IL1RAPL2: variants seen among roughly 807,000 people sequenced by gnomAD.
IL1RAPL2 encodes the protein interleukin 1 receptor accessory protein like 2, also known as X-linked interleukin-1 receptor accessory protein-like 2.
IL1RAPL2 carries 3 observed loss-of-function variants against 44.1 expected under a neutral mutation model. The observed-to-expected ratio is 0.07, with a 90% CI of 0.03 to 0.18. The LOEUF (loss-of-function observed/expected upper bound fraction) is 0.18. IL1RAPL2 is among the 10% of genes least tolerant of loss of function. The pLI, the probability that IL1RAPL2 is intolerant of heterozygous loss-of-function variation, is 1.00. For missense variants in IL1RAPL2, 391 were observed against 496.4 expected (o/e 0.79, Z 2.02); for synonymous variants, 181 against 178.8 (o/e 1.01, Z -0.10).
At chrX:104,678,059 C>T (rs1265943214) in intron 2 of IL1RAPL2, among the ~76,000 whole-genome samples, 2 of 112,574 alleles carry the variant, frequency 1.8e-5, no homozygotes, top group Non-Finnish European at 3.8e-5. Flanking sequence ...CCATCTTCTG[C>T]GTTGCTCACG....
chrX:105,119,047 C>T (rs748837054), intron 2 of IL1RAPL2, among the ~76,000 whole-genome samples: 82 of 111,640 alleles, frequency 7.3e-4, no homozygotes, highest in Non-Finnish European at 1.2e-3. Context: ...TTACATTTCA[C>T]AGGACACACT....
chrX:105,272,206 G>A (rs1048938227), intron 5 of IL1RAPL2, among the ~76,000 whole-genome samples: 3 of 107,206 alleles, frequency 2.8e-5, no homozygotes, highest in East Asian at 3.0e-4. Flanking sequence ...TGGGTGCAGC[G>A]CACCAGCATG....
At chrX:104,746,296 A>G (rs1380544121) in intron 2 of IL1RAPL2, among the ~76,000 whole-genome samples, 1 of 111,264 alleles carries the variant, frequency 9.0e-6, no homozygotes, top group Non-Finnish European at 1.9e-5. Flanking sequence ...TGTATCACAG[A>G]ATACATATTA....
At chrX:105,573,247 C>T (rs1041237494) in intron 6 of IL1RAPL2, among the ~76,000 whole-genome samples, 1 of 110,593 alleles carries the variant, frequency 9.0e-6, no homozygotes, top group African/African-American at 3.3e-5. Flanking sequence ...TTTGAAGAAG[C>T]AGGGTCTTGC....
intron 6 of IL1RAPL2, among the ~76,000 whole-genome samples, chrX:105,522,534 C>T (rs376217176): frequency 2.7e-5 from 3 of 112,031 alleles, no homozygotes; most frequent in East Asian, 5.7e-4. Flanking sequence ...ACTTTCTCTG[C>T]CTACATAGGG....
chrX:104,841,702 T>C (rs929771882), intron 2 of IL1RAPL2, among the ~76,000 whole-genome samples: 3 of 111,638 alleles, frequency 2.7e-5, no homozygotes, highest in Admixed American at 9.6e-5. Context: ...TATTTAAGTA[T>C]GTTGAATATT....
intron 10 of IL1RAPL2, among the ~76,000 whole-genome samples, chrX:105,757,080 T>TAAAC (rs1440512960): frequency 8.9e-6 from 1 of 111,959 alleles, no homozygotes; most frequent in Non-Finnish European, 1.9e-5. Context: ...AACCCTTAGC[T>TAAAC]AAACACTTAT....
chrX:104,974,170 C>T (rs1021661879), intron 2 of IL1RAPL2, among the ~76,000 whole-genome samples: 1 of 111,659 alleles, frequency 9.0e-6, no homozygotes, highest in Non-Finnish European at 1.9e-5. Flanking sequence ...ATTTAAGCAT[C>T]TATTCCATTC....
chrX:105,295,197 G>T (rs182100550), intron 5 of IL1RAPL2, among the ~76,000 whole-genome samples: 1 of 111,386 alleles, frequency 9.0e-6, no homozygotes, highest in East Asian at 2.8e-4. Flanking sequence ...TTTGGACTAG[G>T]CAGTACGGAA....
intron 6 of IL1RAPL2, among the ~76,000 whole-genome samples, chrX:105,552,988 A>C (rs1014699136): frequency 8.9e-6 from 1 of 112,060 alleles, no homozygotes; most frequent in Non-Finnish European, 1.9e-5. Context: ...ATATATGCCA[A>C]ATTGTTTTCT....
At chrX:105,229,856 G>A (rs1556193678) in intron 3 of IL1RAPL2, among the ~76,000 whole-genome samples, 1 of 111,916 alleles carries the variant, frequency 8.9e-6, no homozygotes, top group Non-Finnish European at 1.9e-5. Context: ...GGAGTGCAGT[G>A]GCACGATCTC....
At chrX:105,052,533 CTGT>C (rs762579214) in intron 2 of IL1RAPL2, among the ~76,000 whole-genome samples, 12 of 111,512 alleles carry the variant, frequency 1.1e-4, no homozygotes, top group African/African-American at 3.3e-5. Context: ...AGCCTGGAAG[CTGT>C]TGTTAGAAAA....
intron 2 of IL1RAPL2, among the ~76,000 whole-genome samples, chrX:105,107,308 A>G (rs940710682): frequency 8.9e-6 from 1 of 112,287 alleles, no homozygotes; most frequent in African/African-American, 3.2e-5. Flanking sequence ...GAAGTCAGAA[A>G]TCTTGAGTTT....
intron 2 of IL1RAPL2, among the ~76,000 whole-genome samples, chrX:104,723,806 G>A (rs1443899725): frequency 1.8e-5 from 2 of 111,158 alleles, no homozygotes; most frequent in Non-Finnish European, 3.8e-5. Flanking sequence ...TTCTGAGCTA[G>A]TGTCTCCCCT....
At chrX:105,211,354 G>A (rs1009959273) in intron 3 of IL1RAPL2, among the ~76,000 whole-genome samples, 11 of 111,325 alleles carry the variant, frequency 9.9e-5, no homozygotes, top group South Asian at 3.8e-4. Flanking sequence ...AGCAGTCCTC[G>A]CCTGGAGCTG....
chrX:105,710,939 AAT>A (rs758666446), intron 6 of IL1RAPL2, among the ~76,000 whole-genome samples: 1,666 of 105,340 alleles, frequency 0.016, 34 homozygotes, highest in African/African-American at 0.052. Context: ...TATACATATA[AAT>A]ATATATATAT....
intron 2 of IL1RAPL2, among the ~76,000 whole-genome samples, chrX:104,915,580 C>G (rs1306656655): frequency 9.1e-6 from 1 of 110,216 alleles, no homozygotes; most frequent in Admixed American, 9.6e-5. Context: ...TAATTAGATC[C>G]CATTTGTCAA....
chrX:105,395,730 C>T (rs1476012628), intron 5 of IL1RAPL2, among the ~76,000 whole-genome samples: 1 of 111,977 alleles, frequency 8.9e-6, no homozygotes, highest in East Asian at 2.8e-4. Flanking sequence ...TGTTCCACCA[C>T]CCACCCAGTT....
At chrX:105,164,245 T>C (rs1419063588) in intron 2 of IL1RAPL2, among the ~76,000 whole-genome samples, 1 of 111,674 alleles carries the variant, frequency 9.0e-6, no homozygotes, top group Admixed American at 9.6e-5. Context: ...GTTGGTAAGA[T>C]GGAAACTGGC....
Sources: allele counts gnomAD v4.1 joint callset (sites outside exome capture counted in the v4.1 genomes callset), GRCh38; gene constraint gnomAD v4.1.1; transcripts MANE v1.5; gene names NCBI Gene and HGNC (gene_info 2026-07-23, HGNC 2026-07-21).